The following RERE variants were observed in gnomAD, a reference collection of about 807,000 sequenced individuals.
The protein encoded by RERE is arginine-glutamic acid dipeptide repeats.
A neutral mutation model predicts 146.1 loss-of-function variants in RERE; 40 were observed. That is an observed-to-expected ratio of 0.27 (90% CI 0.21 to 0.36). The LOEUF is 0.36. Among genes scored for constraint, RERE ranks in the 10% least tolerant of loss-of-function variants. RERE has a pLI of 1.00. For synonymous variants in RERE, 1,003 were observed against 866.0 expected, an observed-to-expected ratio of 1.16 and a Z score of -2.78; for missense variants, 1,933 against 2,138.7, an observed-to-expected ratio of 0.90 and a Z score of 1.90.
rs141182775 is a variant in RERE at position 8,702,346 on chromosome 1, C to T, written c.-144-45905G>A. Among the ~76,000 whole-genome samples the T allele has an allele frequency of 7.5e-3, 1,145 of 152,258 alleles. 60 individuals are homozygous for T. The highest frequency in any genetic ancestry group is 0.069 in the Admixed American group (1,049 of 15,298). Reference sequence around the variant, plus strand: ...AAGGGCTGCAAGTAAAACAAAGTAACCTATTACAGGAGTTTCCTTCTCAGC... The same window carrying T: ...AAGGGCTGCAAGTAAAACAAAGTAATCTATTACAGGAGTTTCCTTCTCAGC... On this transcript the variant is annotated intron_variant, in intron 1 of 22. Coordinates refer to ENST00000400908, the MANE Select transcript of RERE (RefSeq NM_001042681.2).
chr1:8,727,438 G>A (rs1303621070), intron 1 of RERE, among the ~76,000 whole-genome samples: 5 of 152,122 alleles, frequency 3.3e-5, no homozygotes, highest in Admixed American at 6.5e-5. Flanking sequence ...CACCGCATCT[G>A]GCTAGTAGTC....
intron 1 of RERE, among the ~76,000 whole-genome samples, chr1:8,696,863 T>C (rs976883997): frequency 2.6e-5 from 4 of 151,954 alleles, no homozygotes; most frequent in African/African-American, 9.7e-5. Flanking sequence ...AGAGCTGAGA[T>C]TGCGCCACTG....
Position 8,356,012 on chromosome 1 carries a change from A to C in RERE, c.4486+88T>G. On this transcript the variant is annotated intron_variant, in intron 21 of 22. Coordinates refer to ENST00000400908, the MANE Select transcript of RERE (RefSeq NM_001042681.2). The surrounding 1 kb of genome is among the most constrained non-coding windows in gnomAD (Gnocchi z 5.2). ...ACCCACCTGCTCAATGCATGAATGA[A>C]TGAATGAGTAATGAATGAAGACAGC... is the stretch of plus-strand genomic sequence containing the variant. 7.4e-7 allele frequency: 1 copy of C among 1,356,172 alleles called. No homozygotes were observed. 84.0% of individuals were successfully genotyped at this position (1,356,172 alleles called of 1,614,324 possible).
chr1:8,511,501 A>G (rs565419286), intron 7 of RERE, among the ~76,000 whole-genome samples: 1 of 152,358 alleles, frequency 6.6e-6, no homozygotes, highest in African/African-American at 2.4e-5. Flanking sequence ...TTAGCCTACT[A>G]TATGCAAGAG....
intron 1 of RERE, among the ~76,000 whole-genome samples, chr1:8,815,478 G>GT (rs775202270): frequency 2.0e-5 from 3 of 152,108 alleles, no homozygotes; most frequent in South Asian, 2.1e-4. Context: ...AGAGCTGAAC[G>GT]TAAGGCCACA....
chr1:8,439,645 G>A (rs6694635), intron 11 of RERE, among the ~76,000 whole-genome samples: 3,775 of 152,288 alleles, frequency 0.025, 164 homozygotes, highest in African/African-American at 0.087. Flanking sequence ...AATGACCCTT[G>A]GGAACCACAC....
chr1:8,594,202 T>TTAAA (rs1253512050), intron 4 of RERE, among the ~76,000 whole-genome samples: 2 of 152,120 alleles, frequency 1.3e-5, no homozygotes, highest in Non-Finnish European at 1.5e-5. Context: ...TCCTAAAAGG[T>TTAAA]TAAATAGCTT....
At chr1:8,728,500 C>A (rs888589833) in intron 1 of RERE, among the ~76,000 whole-genome samples, 1 of 150,174 alleles carries the variant, frequency 6.7e-6, no homozygotes, top group African/African-American at 2.4e-5. Flanking sequence ...ATGTTTAGAG[C>A]GAAAAAGTCT....
chr1:8,471,182 G>A (rs538553209), intron 10 of RERE, among the ~76,000 whole-genome samples: 22 of 152,148 alleles, frequency 1.4e-4, no homozygotes, highest in Admixed American at 1.2e-3. Flanking sequence ...TTCATAATAG[G>A]GAAACTTACC....
intron 2 of RERE, among the ~76,000 whole-genome samples, chr1:8,654,375 G>A (rs1367013240): frequency 6.6e-6 from 1 of 152,076 alleles, no homozygotes; most frequent in Non-Finnish European, 1.5e-5. Context: ...TCCTGTGTGG[G>A]AGAATGAAAA....
chr1:8,389,786 T>C (rs1642820265), intron 12 of RERE, among the ~76,000 whole-genome samples: 1 of 152,192 alleles, frequency 6.6e-6, no homozygotes, highest in Non-Finnish European at 1.5e-5. Flanking sequence ...GTCAGCTAAG[T>C]GCACGTTGTT....
intron 4 of RERE, among the ~76,000 whole-genome samples, chr1:8,613,639 T>A (rs1315972948): frequency 2.0e-5 from 3 of 152,210 alleles, no homozygotes; most frequent in African/African-American, 7.2e-5. Flanking sequence ...TTGCATTGTG[T>A]GTGTCTAAGT....
chr1:8,506,389 A>G (rs975384126), intron 8 of RERE, among the ~76,000 whole-genome samples: 4 of 152,256 alleles, frequency 2.6e-5, no homozygotes, highest in African/African-American at 9.6e-5. Context: ...TGTGACCCTG[A>G]TAGTTTTTGT....
intron 1 of RERE, among the ~76,000 whole-genome samples, chr1:8,745,108 C>T (rs1640393606): frequency 3.9e-5 from 6 of 152,102 alleles, no homozygotes; most frequent in Admixed American, 3.3e-4. Flanking sequence ...AATTGTAATC[C>T]TCATAATCCC....
chr1:8,743,020 CAT>C (rs1305573144), intron 1 of RERE, among the ~76,000 whole-genome samples: 6 of 152,028 alleles, frequency 3.9e-5, no homozygotes, highest in Non-Finnish European at 8.8e-5. Context: ...ATCCTCGAGA[CAT>C]ATTGTGGACA....
chr1:8,717,364 T>C (rs1639784999), intron 1 of RERE, among the ~76,000 whole-genome samples: 1 of 152,236 alleles, frequency 6.6e-6, no homozygotes, highest in Admixed American at 6.5e-5. Flanking sequence ...CGATTGAGAA[T>C]ACTGAATTTT....
At chr1:8,546,055 T>A (rs993656368) in intron 6 of RERE, among the ~76,000 whole-genome samples, 6 of 140,460 alleles carry the variant, frequency 4.3e-5, no homozygotes, top group Non-Finnish European at 9.1e-5. Context: ...AGCGGTTTGA[T>A]CTCAGCTCAC....
At chr1:8,564,854 GTGTGTGTGTGTGTGTGTATA>G (rs1171148503) in intron 4 of RERE, among the ~76,000 whole-genome samples, 10 of 143,100 alleles carry the variant, frequency 7.0e-5, no homozygotes, top group African/African-American at 1.6e-4. Flanking sequence ...GTGTGTGTGT[GTGTGTGTGTGTGTGTGTATA>G]TATATATATA....
chr1:8,601,055 TGTC>T (rs1227015417), intron 4 of RERE, among the ~76,000 whole-genome samples: 1 of 140,524 alleles, frequency 7.1e-6, no homozygotes, highest in African/African-American at 2.7e-5. Flanking sequence ...AGTCTTGCTA[TGTC>T]AGCCAGGTTG....
Sources: allele counts gnomAD v4.1 joint callset (sites outside exome capture counted in the v4.1 genomes callset), GRCh38; gene constraint gnomAD v4.1.1; non-coding constraint Gnocchi (gnomAD v3.1); transcripts MANE v1.5; gene names NCBI Gene and HGNC (gene_info 2026-07-23, HGNC 2026-07-21).